PNPLA7: variants seen among roughly 807,000 people sequenced by gnomAD.
PNPLA7 encodes patatin-like phospholipase domain-containing protein 7.
Under a neutral mutation model 161.7 loss-of-function variants are expected in PNPLA7, and 153 were observed. The observed-to-expected ratio is 0.95, with a 90% CI of 0.83 to 1.08. The LOEUF (loss-of-function observed/expected upper bound fraction) is 1.08, where lower values mean the gene tolerates loss of function less well. Among genes scored for constraint, PNPLA7 ranks in the 50% least tolerant of loss-of-function variants. PNPLA7 has a pLI of 0.00. For synonymous variants in PNPLA7, 809 were observed against 782.1 expected, an observed-to-expected ratio of 1.03 and a Z score of -0.57; for missense variants, 1,739 against 1,856.6, an observed-to-expected ratio of 0.94 and a Z score of 1.16.
chr9:137,512,081 T>C (rs535091617), intron 12 of PNPLA7, among the ~76,000 whole-genome samples: 90 of 152,350 alleles, frequency 5.9e-4, no homozygotes, highest in Non-Finnish European at 9.4e-4. Flanking sequence ...CTGTCTTTCC[T>C]ACTATCTCTT....
At position 137,515,405 on chromosome 9, in the gene PNPLA7, C is replaced by T. The variant is rs775937307; in HGVS notation, c.1199G>A (p.Gly400Asp). The T allele has an allele frequency of 6.2e-6, 10 of 1,604,496 alleles. No individual in the cohort carries two copies. The highest frequency in any genetic ancestry group is 5.1e-5 in the Admixed American group (3 of 58,772). ...TTGTGGGGCCGAAGGGTCAGGGTCACCTGCCCCGGGCTTCTCCAGCTCCTC... is the reference window on the plus strand; with the variant it reads ...TTGTGGGGCCGAAGGGTCAGGGTCATCTGCCCCGGGCTTCTCCAGCTCCTC... ...ILEELEKPGA[G>D]DPDPSAPQGG... The change falls in exon 12 of 35, where the codon GGT becomes GAT. Residue 400 changes from glycine to aspartate, a missense_variant. Transcript: ENST00000406427.
chr9:137,542,579 A>G, intron 7 of PNPLA7, 63 bp downstream of exon 7: 1 of 1,423,098 alleles, frequency 7.0e-7, no homozygotes, highest in Non-Finnish European at 9.3e-7. Context: ...TTACAGCCCG[A>G]GAAGACAGAC....
chr9:137,463,442 C>A lies in PNPLA7; in HGVS notation c.3316G>T (p.Asp1106Tyr), dbSNP rs1229522300. The change falls in exon 29 of 35, where the codon GAC becomes TAC. Residue 1106 changes from aspartate to tyrosine, a missense_variant. This residue lies in a region of PNPLA7 where 703 missense variants were observed against 694.6 expected (regional missense o/e 1.01). Transcript: ENST00000406427. ...CDPKDGHLLM[D>Y]GGYINNLPAD... ...GGGAGGTTGTTGATGTAGCCCCCGT[C>A]CATCAGCAGGTGTCCGTCCTTCGGG... is the stretch of plus-strand genomic sequence containing the variant. 6.2e-7 allele frequency: 1 copy of A among 1,602,430 alleles called. No homozygotes were observed. The highest frequency in any genetic ancestry group is 1.7e-5 in the Admixed American group (1 of 58,474).
At chr9:137,482,454 T>A (rs1169287082) in intron 21 of PNPLA7, among the ~76,000 whole-genome samples, 1 of 152,226 alleles carries the variant, frequency 6.6e-6, no homozygotes, top group East Asian at 1.9e-4. Context: ...TGCGTGCACG[T>A]GACTGAGTGG....
In PNPLA7 at chr9:137,480,955, C is replaced by T. The variant is rs373168717; in HGVS notation, c.2411+5G>A. 68 of 1,551,224 alleles carry T rather than the reference C, an allele frequency of 4.4e-5. No individual in the cohort carries two copies. Among genetic ancestry groups the T allele is most frequent in the South Asian group, 5.9e-5 (5 of 84,056 alleles). The stretch of plus-strand genomic sequence containing the variant: ...GAGGAAGGAGTCGGGGCTGGCGGCA[C>T]GCACCTGTCCAGGGCAGCGGAGCCA... On this transcript the variant is annotated splice_donor_5th_base_variant and intron_variant, in intron 22 of 34. Coordinates refer to ENST00000406427, the MANE Select transcript of PNPLA7 (RefSeq NM_001098537.3).
chr9:137,500,771 G>A lies in PNPLA7; in HGVS notation c.1677C>T (p.Leu559=), dbSNP rs1421719227. 6.2e-7 allele frequency: 1 copy of A among 1,612,208 alleles called. No homozygotes were observed. Among genetic ancestry groups the A allele is most frequent in the East Asian group, 2.2e-5 (1 of 44,860 alleles). Residue 559 remains leucine, a synonymous_variant, in exon 16 of 35, where the codon CTC becomes CTT. Transcript: ENST00000406427. This position sits in a 1 kb window ranked among gnomAD's most constrained non-coding sequence, Gnocchi z 5.5. The part of the protein sequence containing the change: ...PGEMVGQLAV[L]TGEPLIFTVK... ...CGGTGAAGATGAGAGGCTCCCCGGT[G>A]AGCACGGCCAGCTGGCCCACCATCT...
rs1333347559 is a variant in PNPLA7 at position 137,523,243 on chromosome 9, C to A, written c.748-386G>T. On this transcript the variant is annotated intron_variant, in intron 8 of 34. Coordinates refer to ENST00000406427, the MANE Select transcript of PNPLA7 (RefSeq NM_001098537.3). The surrounding 1 kb of genome is among the most constrained non-coding windows in gnomAD (Gnocchi z 4.4). ...TCGGTACCCCTCGCCAAAGGGCGTG[C>A]CAGACACCAACCTGAGCGGGCTTCC... Among the ~76,000 whole-genome samples the A allele has an allele frequency of 6.6e-6, 1 of 152,186 alleles. No individual in the cohort carries two copies. The highest frequency in any genetic ancestry group is 2.4e-5 in the African/African-American group (1 of 41,450).
At position 137,464,199 on chromosome 9, in the gene PNPLA7, C is replaced by T. The variant is rs749926267; in HGVS notation, c.3157-4G>A. 4.8e-5 allele frequency: 77 copies of T among 1,613,736 alleles called. No individual in the cohort carries two copies. In the Admixed American group the frequency reaches 5.7e-4, roughly 12 times the overall value. ...CGAAATAAGGAATCCACAGGTCCTG[C>T]GGGCGGACGGGGCTCAGATGGGCCC... is the stretch of plus-strand genomic sequence containing the variant. On this transcript the variant is annotated splice_region_variant and splice_polypyrimidine_tract_variant and intron_variant, in intron 27 of 34. Coordinates refer to ENST00000406427, the MANE Select transcript of PNPLA7 (RefSeq NM_001098537.3).
At chr9:137,505,567 C>A in intron 14 of PNPLA7, 47 bp downstream of exon 14, 4 of 1,603,674 alleles carry the variant, frequency 2.5e-6, no homozygotes, top group Non-Finnish European at 3.4e-6. Context: ...GAGGAGGCCA[C>A]GGGCCCTGGG....
At chr9:137,519,801 G>A in intron 11 of PNPLA7, 116 bp downstream of exon 11, 1 of 1,365,732 alleles carries the variant, frequency 7.3e-7, no homozygotes, top group Non-Finnish European at 9.8e-7. Flanking sequence ...GTGACCCGGG[G>A]ATGTGTGTGG....
rs1368945515 is a variant in PNPLA7 at position 137,540,474 on chromosome 9, G to A, written c.747+168C>T. ...TTCTTCAACGCACTGTGGCCAGAAT[G>A]AAGCTCCCTCCTCTTTCTTCCCTCC... On this transcript the variant is annotated intron_variant, in intron 8 of 34. Coordinates refer to ENST00000406427, the MANE Select transcript of PNPLA7 (RefSeq NM_001098537.3). This position sits in a 1 kb window ranked among gnomAD's most constrained non-coding sequence, Gnocchi z 5.1. Among the ~76,000 whole-genome samples the A allele has an allele frequency of 2.6e-5, 4 of 152,230 alleles. No homozygotes were observed. The highest frequency in any genetic ancestry group is 2.6e-4 in the Admixed American group (4 of 15,286).
At chr9:137,505,426 C>T (rs1435754888) in intron 14 of PNPLA7, among the ~76,000 whole-genome samples, 188 bp downstream of exon 14, 1 of 152,170 alleles carries the variant, frequency 6.6e-6, no homozygotes, top group Non-Finnish European at 1.5e-5. Flanking sequence ...TGAGTTTGAA[C>T]ATAAGGCGAT....
In PNPLA7 at chr9:137,460,076, A is replaced by T; in HGVS notation, c.*317T>A. ...CAGGGCTTTGGGGGCCTCACAGGGCAGCAGGTGGTTCACAGGGCTTCGGGG... is the reference window on the plus strand; with the variant it reads ...CAGGGCTTTGGGGGCCTCACAGGGCTGCAGGTGGTTCACAGGGCTTCGGGG... On this transcript the variant is annotated 3_prime_UTR_variant, in exon 35 of 35. Coordinates refer to ENST00000406427, the MANE Select transcript of PNPLA7 (RefSeq NM_001098537.3). 1 of 313,248 alleles carries T rather than the reference A, an allele frequency of 3.2e-6. No homozygotes were observed. Among genetic ancestry groups the T allele is most frequent in the Non-Finnish European group, 6.2e-6 (1 of 160,326 alleles). The allele number at this position is 313,248 out of a possible 1,614,324, so 19.4% of individuals were successfully genotyped here. A position where few individuals can be genotyped will look rare whatever the true frequency, so the allele number is the denominator to read the frequency against.
chr9:137,502,780 G>A (rs370173402), intron 14 of PNPLA7, among the ~76,000 whole-genome samples: 28 of 149,034 alleles, frequency 1.9e-4, no homozygotes, highest in Middle Eastern at 3.4e-3. Context: ...GGACGAGGCC[G>A]CTGGACAGGG....
chr9:137,462,010 A>AAC lies in PNPLA7; in HGVS notation c.3675_3676dup (p.Phe1226CysfsTer123), dbSNP rs1261521198. The AAC allele has an allele frequency of 6.2e-7, 1 of 1,603,420 alleles. No individual in the cohort carries two copies. Among genetic ancestry groups the AAC allele is most frequent in the African/African-American group, 1.3e-5 (1 of 74,748 alleles). On this transcript the variant is annotated frameshift_variant, in exon 32 of 35. Coordinates refer to ENST00000406427, the MANE Select transcript of PNPLA7 (RefSeq NM_001098537.3). LOFTEE classifies it high-confidence loss of function. ...CACGCCGCTGCGGCCCCAGATGTCAAACACCGTGCGCCCGTGCTGGTAGCC... is the reference window on the plus strand; with the variant it reads ...CACGCCGCTGCGGCCCCAGATGTCAAACACACCGTGCGCCCGTGCTGGTAGCC...
In PNPLA7 at chr9:137,469,883, T is replaced by C. The variant is rs185355824; in HGVS notation, c.2883-2410A>G. ...GTGCAGATGCTTTAGTTTAAAATAC[T>C]GAACAGCTTCATGCCATAAATAGAA... On this transcript the variant is annotated intron_variant, in intron 25 of 34. Coordinates refer to ENST00000406427, the MANE Select transcript of PNPLA7 (RefSeq NM_001098537.3). Among the ~76,000 whole-genome samples, 30 of 152,356 alleles carry C rather than the reference T, an allele frequency of 2.0e-4. 1 individual carries two copies. The East Asian group carries it at 4.2e-3, about 22-fold the overall frequency.
At chr9:137,527,748 A>G (rs1835374619) in intron 8 of PNPLA7, among the ~76,000 whole-genome samples, 1 of 152,196 alleles carries the variant, frequency 6.6e-6, no homozygotes, top group Non-Finnish European at 1.5e-5. Context: ...GTATTAGGGT[A>G]TTGCTACCCT....
chr9:137,546,814 C>T lies in PNPLA7; in HGVS notation c.273+16G>A, dbSNP rs1015849808. 1.2e-6 allele frequency: 2 copies of T among 1,613,402 alleles called. No homozygotes were observed. Among genetic ancestry groups the T allele is most frequent in the Non-Finnish European group, 1.7e-6 (2 of 1,179,886 alleles). On this transcript the variant is annotated intron_variant, in intron 4 of 34. Transcript: ENST00000406427. ...GAGGAAGCCGTGTGCAGCCTGGGGC[C>T]CCGAGCAACAGCTACCTTCCTCATG...
Position 137,497,282 on chromosome 9 carries a change from T to C in PNPLA7, c.1918A>G (p.Ile640Val). 2 of 1,584,232 alleles carry C rather than the reference T, an allele frequency of 1.3e-6. No individual in the cohort carries two copies. Among genetic ancestry groups the C allele is most frequent in the Non-Finnish European group, 1.7e-6 (2 of 1,166,024 alleles). The stretch of plus-strand genomic sequence containing the variant: ...GAGCGCAGCCGGCCGCTGAGCATGA[T>C]GTACGTGCAGTCGGACTTGTCCCCC... ...RQGDKSDCTY[I>V]MLSGRLRSVI... is the part of the protein sequence containing the mutation. The change falls in exon 18 of 35, where the codon ATC becomes GTC. Residue 640 changes from isoleucine to valine, a missense_variant. Ile to Val is a conservative substitution (Grantham distance 29). This residue lies in a region of PNPLA7 where 481 missense variants were observed against 450.0 expected (regional missense o/e 1.07). Coordinates refer to ENST00000406427, the MANE Select transcript of PNPLA7 (RefSeq NM_001098537.3).
Sources: allele counts gnomAD v4.1 joint callset (sites outside exome capture counted in the v4.1 genomes callset), GRCh38; gene constraint gnomAD v4.1.1; regional missense constraint gnomAD v4.1.1; non-coding constraint Gnocchi (gnomAD v3.1); transcripts MANE v1.5; gene names NCBI Gene and HGNC (gene_info 2026-07-23, HGNC 2026-07-21).